CREM: variants seen among roughly 807,000 people sequenced by gnomAD.
CREM encodes the protein cAMP responsive element modulator.
In CREM, 13 loss-of-function variants were observed where a neutral mutation model predicts 37.3. The observed-to-expected ratio is 0.35, with a 90% CI of 0.23 to 0.55. The LOEUF (loss-of-function observed/expected upper bound fraction) is 0.55, where lower values mean the gene tolerates loss of function less well. Ranked by LOEUF, CREM falls within the 20% of genes least tolerant of loss-of-function variation. The probability of loss-of-function intolerance (pLI) is 0.88; values close to 1 mark genes in which losing one functional copy is unlikely to be tolerated. For synonymous variants in CREM, 124 were observed against 120.2 expected (o/e 1.03, Z -0.21); for missense variants, 296 against 362.3 (o/e 0.82, Z 1.49).
Position 35,211,842 on chromosome 10 carries a change from G to C in CREM, c.*444G>C. On this transcript the variant is annotated 3_prime_UTR_variant, in exon 8 of 8. Coordinates refer to ENST00000685392, the MANE Select transcript of CREM (RefSeq NM_183011.2). ...TGAACTGAAGGCAGCATGTATAGTTGCTTTTGAAGGAATACAATATATAGC... is the reference window on the plus strand; with the variant it reads ...TGAACTGAAGGCAGCATGTATAGTTCCTTTTGAAGGAATACAATATATAGC... 2 of 1,550,270 alleles carry C rather than the reference G, an allele frequency of 1.3e-6. No individual in the cohort carries two copies. The highest frequency in any genetic ancestry group is 4.1e-5 in the Admixed American group (2 of 48,906).
intron 5 of CREM, among the ~76,000 whole-genome samples, chr10:35,181,518 G>T (rs116264253): frequency 0.015 from 2,294 of 152,242 alleles, 60 homozygotes; most frequent in African/African-American, 0.052. Flanking sequence ...GTGTCTGTGG[G>T]GGGGATGAGA....
chr10:35,165,817 GA>G (rs141929147), intron 3 of CREM, among the ~76,000 whole-genome samples: 3 of 148,298 alleles, frequency 2.0e-5, no homozygotes, highest in Non-Finnish European at 1.5e-5. Context: ...AGATTAGCTA[GA>G]AAAAAAAAAG....
chr10:35,184,143 G>A (rs1371372027), intron 5 of CREM, among the ~76,000 whole-genome samples: 1 of 152,110 alleles, frequency 6.6e-6, no homozygotes, highest in Admixed American at 6.6e-5. Flanking sequence ...TGTGCCTGTA[G>A]TCCCAGCTAC....
At chr10:35,193,014 T>G (rs2094983113) in intron 6 of CREM, among the ~76,000 whole-genome samples, 2 of 152,186 alleles carry the variant, frequency 1.3e-5, no homozygotes, top group Non-Finnish European at 1.5e-5. Context: ...TCTTCACACA[T>G]ACCGATTGCC....
chr10:35,186,968 TTATA>T (rs2094592893), intron 5 of CREM, among the ~76,000 whole-genome samples: 1 of 94,292 alleles, frequency 1.1e-5, no homozygotes, highest in Non-Finnish European at 1.9e-5. Context: ...AATATATAAT[TTATA>T]TATTATATGT....
At chr10:35,192,537 CG>C (rs1458761716) in intron 6 of CREM, among the ~76,000 whole-genome samples, 2 of 152,020 alleles carry the variant, frequency 1.3e-5, no homozygotes, top group African/African-American at 4.8e-5. Flanking sequence ...TTAGTAGAGA[CG>C]GGGTTACACC....
Position 35,137,872 on chromosome 10 carries a change from A to T in CREM, c.37A>T (p.Asn13Tyr). 1 of 1,588,744 alleles carries T rather than the reference A, an allele frequency of 6.3e-7. No homozygotes were observed. The highest frequency in any genetic ancestry group is 8.6e-7 in the Non-Finnish European group (1 of 1,167,170). The change falls in exon 2 of 8, where the codon AAT (asparagine) becomes TAT (tyrosine). Residue 13 changes from asparagine (N) to tyrosine (Y), a missense_variant. By Grantham distance (143) the Asn-to-Tyr change is moderately radical (BLOSUM62 -2). This residue lies in a region of CREM where 257 missense variants were observed against 280.2 expected (regional missense o/e 0.92). Coordinates refer to ENST00000685392, the MANE Select transcript of CREM (RefSeq NM_183011.2). ...TGCAAGGAAAAAATATATTAAGACA[A>T]ATCCAAGGTAGGTAGATGTACGTTT... ...KCARKKYIKT[N>Y]PRQMTMETVE...
chr10:35,131,771 T>C (rs1386546349), intron 1 of CREM, among the ~76,000 whole-genome samples: 1 of 152,240 alleles, frequency 6.6e-6, no homozygotes, highest in African/African-American at 2.4e-5. Context: ...AGATTTACTA[T>C]CTAGTAGTTA....
At chr10:35,187,147 ATATATATAAT>A (rs2094647891) in intron 5 of CREM, among the ~76,000 whole-genome samples, 1 of 58,044 alleles carries the variant, frequency 1.7e-5, no homozygotes, top group Non-Finnish European at 3.2e-5. Context: ...TTAATATATA[ATATATATAAT>A]ATATATTATA....
chr10:35,150,410 C>T (rs1364087098), intron 3 of CREM, among the ~76,000 whole-genome samples: 1 of 152,014 alleles, frequency 6.6e-6, no homozygotes, highest in African/African-American at 2.4e-5. Flanking sequence ...TGCCTTTTGC[C>T]CCAGAATTCT....
At chr10:35,207,862 T>G (rs950752112) in intron 7 of CREM, among the ~76,000 whole-genome samples, 5 of 152,218 alleles carry the variant, frequency 3.3e-5, no homozygotes, top group African/African-American at 1.2e-4. Context: ...GTGTGTGTTA[T>G]TAGATTGTCT....
chr10:35,131,646 G>A (rs1688144811), intron 1 of CREM, among the ~76,000 whole-genome samples: 1 of 152,102 alleles, frequency 6.6e-6, no homozygotes, highest in Admixed American at 6.6e-5. Flanking sequence ...TCTGCACTTA[G>A]AAAGATACAG....
rs983684498 is a variant in CREM, at chr10:35,165,067, A to T, written c.169-13822A>T. Among the ~76,000 whole-genome samples, 8 of 150,918 alleles carry T rather than the reference A, an allele frequency of 5.3e-5. No individual in the cohort carries two copies. The East Asian group carries it at 1.2e-3, about 22-fold the overall frequency. On this transcript the variant is annotated intron_variant, in intron 3 of 7. Coordinates refer to ENST00000685392, the MANE Select transcript of CREM (RefSeq NM_183011.2). ...GCGAGGCTCCATCTCAAAAAAAAAA[A>T]AAAAAAAAAAAGAAAAGGAAAAAGA...
chr10:35,147,046 T>TG (rs1000347041), intron 2 of CREM, among the ~76,000 whole-genome samples: 20 of 69,576 alleles, frequency 2.9e-4, no homozygotes, highest in African/African-American at 7.6e-4. Flanking sequence ...TTTGGGTTTT[T>TG]TTTTTTTTTT....
At chr10:35,158,195 C>T (rs1235395888) in intron 3 of CREM, 1 of 154,940 alleles carries the variant, frequency 6.5e-6, no homozygotes, top group Non-Finnish European at 1.4e-5. Flanking sequence ...ATATCAATGA[C>T]ATTCTTCACA....
chr10:35,198,448 G>A (rs571472438), intron 6 of CREM, among the ~76,000 whole-genome samples: 106 of 151,696 alleles, frequency 7.0e-4, no homozygotes, highest in Admixed American at 1.5e-3. Context: ...GCTTGAAACC[G>A]GGAGGCAGAG....
At chr10:35,135,281 A>C (rs925284784) in intron 1 of CREM, among the ~76,000 whole-genome samples, 4 of 152,208 alleles carry the variant, frequency 2.6e-5, no homozygotes, top group Non-Finnish European at 5.9e-5. Context: ...CTAATCTAAA[A>C]TATGCCTTTC....
chr10:35,154,290 AAAAC>A (rs2092766704), intron 3 of CREM: 1 of 384,038 alleles, frequency 2.6e-6, no homozygotes, highest in East Asian at 3.7e-5. Flanking sequence ...TGGCAATCAC[AAAAC>A]AAACAAAAAA....
intron 3 of CREM, chr10:35,158,314 T>A (rs1210349855): frequency 5.8e-6 from 1 of 173,154 alleles, no homozygotes; most frequent in African/African-American, 2.4e-5. Flanking sequence ...CCATGGCCAG[T>A]CCATTGCAGG....
Sources: allele counts gnomAD v4.1 joint callset (sites outside exome capture counted in the v4.1 genomes callset), GRCh38; gene constraint gnomAD v4.1.1; regional missense constraint gnomAD v4.1.1; transcripts MANE v1.5; gene names NCBI Gene and HGNC (gene_info 2026-07-23, HGNC 2026-07-21).